Variants in TCF3 observed in about 807,000 individuals in gnomAD.
TCF3 encodes transcription factor 3, also known as transcription factor E2-alpha.
TCF3 carries 54 observed loss-of-function variants against 72.3 expected under a neutral mutation model. The observed-to-expected ratio is 0.75, with a 90% CI of 0.60 to 0.94. The LOEUF is 0.94. TCF3 is among the 40% of genes least tolerant of loss of function. The probability of loss-of-function intolerance (pLI) is 0.00; values close to 1 mark genes in which losing one functional copy is unlikely to be tolerated. For synonymous variants in TCF3, 525 were observed against 412.6 expected, an observed-to-expected ratio of 1.27 and a Z score of -3.30; for missense variants, 1,078 against 934.4, an observed-to-expected ratio of 1.15 and a Z score of -2.00.
At chr19:1,619,539 G>C in intron 14 of TCF3, 65 bp from the exon 15 acceptor site, 1 of 1,517,738 alleles carries the variant, frequency 6.6e-7, no homozygotes, top group Non-Finnish European at 8.8e-7. Context: ...CTCCATTCAT[G>C]TCCCTTCCGC....
intron 8 of TCF3, among the ~76,000 whole-genome samples, 165 bp from the exon 9 acceptor site, chr19:1,622,580 T>C (rs1215594309): frequency 2.0e-5 from 3 of 152,048 alleles, no homozygotes; most frequent in Admixed American, 6.5e-5. Context: ...CTGGCCAAGT[T>C]TGAGGTTCTT....
At chr19:1,621,629 C>T (rs1397853871) in intron 11 of TCF3, among the ~76,000 whole-genome samples, 1 of 152,290 alleles carries the variant, frequency 6.6e-6, no homozygotes, top group East Asian at 1.9e-4. Flanking sequence ...GCGGGAAAGC[C>T]GCTCCTCAAA....
At position 1,642,186 on chromosome 19, in the gene TCF3, G is replaced by A. The variant is rs942739895; in HGVS notation, c.145+4169C>T. The stretch of plus-strand genomic sequence containing the variant: ...CACACGCACGCGTACACACACGCAC[G>A]CAGACACAGACGCAGACACGCACAC... On this transcript the variant is annotated intron_variant, in intron 3 of 18. Coordinates refer to ENST00000262965, the MANE Select transcript of TCF3 (RefSeq NM_003200.5). Among the ~76,000 whole-genome samples the A allele has an allele frequency of 5.6e-5, 8 of 142,914 alleles. 1 individual carries two copies. Among genetic ancestry groups the A allele is most frequent in the African/African-American group, 1.1e-4 (4 of 38,040 alleles). The allele number at this position is 142,914 out of a possible 152,430, so 93.8% of individuals were successfully genotyped here. A position where few individuals can be genotyped will look rare whatever the true frequency, so the allele number is the denominator to read the frequency against.
rs2063019352 is a variant in TCF3, at chr19:1,627,405, G to A, written c.320C>T (p.Ala107Val). ...TGCGTCTCTCCCGAAGGAGGCATAG[G>A]CGCCCCGCTCACCGCTCTTGCCTGC... ...GLGGKSGERGAYASFGRDAGV... is the reference protein window; with the variant it reads ...GLGGKSGERGVYASFGRDAGV... Residue 107 changes from alanine to valine, a missense_variant, in exon 6 of 19, where the codon GCC becomes GTC. By Grantham distance (64) the Ala-to-Val change is moderately conservative. Coordinates refer to ENST00000262965, the MANE Select transcript of TCF3 (RefSeq NM_003200.5). 1.2e-6 allele frequency: 2 copies of A among 1,612,090 alleles called. No individual in the cohort carries two copies. The highest frequency in any genetic ancestry group is 1.7e-6 in the Non-Finnish European group (2 of 1,179,738).
rs936316061 is a variant in TCF3 at position 1,611,845 on chromosome 19, C to A, written c.1827G>T (p.Arg609=). 1 of 1,608,534 alleles carries A rather than the reference C, an allele frequency of 6.2e-7. No individual in the cohort carries two copies. The highest frequency in any genetic ancestry group is 1.4e-5 in the African/African-American group (1 of 73,394). The change falls in exon 19 of 19, where the codon CGG becomes CGT. Residue 609 remains arginine (R), a synonymous_variant. Coordinates refer to ENST00000262965, the MANE Select transcript of TCF3 (RefSeq NM_003200.5). The stretch of plus-strand genomic sequence containing the variant: ...AACAGGCTGCTTTGGGATTCAGGTT[C>A]CGCTCTGGAGGGAGGGGGGAGAGCT... ...ILNLEQQVRE[R]NLNPKAACLK...
At chr19:1,630,343 G>A (rs942371894) in intron 5 of TCF3, among the ~76,000 whole-genome samples, 4 of 152,200 alleles carry the variant, frequency 2.6e-5, no homozygotes, top group African/African-American at 7.2e-5. Flanking sequence ...ACACCCGCCA[G>A]ACCTTCACGC....
intron 5 of TCF3, among the ~76,000 whole-genome samples, chr19:1,629,483 C>T (rs894879238): frequency 1.3e-4 from 20 of 151,984 alleles, no homozygotes; most frequent in Admixed American, 7.9e-4. Context: ...CTGGCCAGGG[C>T]GAGCCCCCAG....
In TCF3 at chr19:1,627,348, G is replaced by T; in HGVS notation, c.366+11C>A. On this transcript the variant is annotated intron_variant, in intron 6 of 18. Coordinates refer to ENST00000262965, the MANE Select transcript of TCF3 (RefSeq NM_003200.5). ...ATCAAAATACACCCCAGCCCGGCCCGAGCCCCTCACCTGAGTCAGGCCGCC... is the reference window on the plus strand; with the variant it reads ...ATCAAAATACACCCCAGCCCGGCCCTAGCCCCTCACCTGAGTCAGGCCGCC... 1.2e-6 allele frequency: 2 copies of T among 1,606,328 alleles called. No homozygotes were observed. The highest frequency in any genetic ancestry group is 2.2e-5 in the South Asian group (2 of 89,890).
At chr19:1,616,498 T>C (rs2061561003) in intron 16 of TCF3, 1 of 152,022 alleles carries the variant, frequency 6.6e-6, no homozygotes, top group Non-Finnish European at 1.5e-5. Context: ...GAATAAAACT[T>C]TGGAACACTT....
At position 1,623,993 on chromosome 19, in the gene TCF3, C is replaced by T. The variant is rs780991543; in HGVS notation, c.507G>A (p.Gln169=). The change falls in exon 8 of 19, where the codon CAG becomes CAA. Residue 169 remains glutamine (Q), a synonymous_variant. Transcript: ENST00000262965. Reference sequence around the variant, plus strand: ...GCGGGACCTTCCGGACCTTCTTGGGCTGCGTGTCTGTTAGAAGCAAAAGGG... The same window carrying T: ...GCGGGACCTTCCGGACCTTCTTGGGTTGCGTGTCTGTTAGAAGCAAAAGGG... ...RRAADGSLDT[Q]PKKVRKVPPG... is the part of the protein sequence containing the mutation. 5 of 1,613,336 alleles carry T rather than the reference C, an allele frequency of 3.1e-6. No homozygotes were observed. The highest frequency in any genetic ancestry group is 1.7e-5 in the Admixed American group (1 of 59,986).
chr19:1,632,421 A>G lies in TCF3; in HGVS notation c.146-16T>C, dbSNP rs908449042. The G allele has an allele frequency of 6.3e-7, 1 of 1,584,022 alleles. No individual in the cohort carries two copies. On this transcript the variant is annotated splice_polypyrimidine_tract_variant and intron_variant, in intron 3 of 18. Transcript: ENST00000262965. ...TCCTCAAGACCTGCAGGCAGGACAG[A>G]GAGAGTTATGGGTCACCCTCACGCC...
At chr19:1,641,093 CGGAGGT>C (rs1461670715) in intron 3 of TCF3, among the ~76,000 whole-genome samples, 1 of 144,660 alleles carries the variant, frequency 6.9e-6, no homozygotes, top group Non-Finnish European at 1.5e-5. Context: ...GAGGCGGAGG[CGGAGGT>C]TGCAGTGAGC....
At chr19:1,622,996 G>C (rs1052558096) in intron 8 of TCF3, among the ~76,000 whole-genome samples, 4 of 152,194 alleles carry the variant, frequency 2.6e-5, no homozygotes, top group African/African-American at 9.7e-5. Context: ...TAATAAACTG[G>C]GGGGCGGTTT....
At chr19:1,640,190 T>C (rs547146401) in intron 3 of TCF3, among the ~76,000 whole-genome samples, 1 of 151,950 alleles carries the variant, frequency 6.6e-6, no homozygotes, top group Non-Finnish European at 1.5e-5. Context: ...AGGCCTGGAA[T>C]CCCAGCACTT....
chr19:1,649,446 A>T (rs906476322), intron 2 of TCF3, among the ~76,000 whole-genome samples: 1 of 152,156 alleles, frequency 6.6e-6, no homozygotes, highest in Admixed American at 6.5e-5. Context: ...ATCTTACTCT[A>T]TCGCCCAGGA....
At chr19:1,651,741 G>A (rs1428225111) in intron 1 of TCF3, among the ~76,000 whole-genome samples, 2 of 151,840 alleles carry the variant, frequency 1.3e-5, no homozygotes, top group Admixed American at 1.3e-4. Context: ...AGCCTTTGAA[G>A]CTCGCAGCGC....
At chr19:1,635,208 C>T (rs2064232366) in intron 3 of TCF3, among the ~76,000 whole-genome samples, 1 of 152,194 alleles carries the variant, frequency 6.6e-6, no homozygotes, top group Non-Finnish European at 1.5e-5. Context: ...TGCAATGTGC[C>T]CCCACTCAGG....
In TCF3 at chr19:1,650,342, G is replaced by A. The variant is rs551139337; in HGVS notation, c.-39-55C>T. On this transcript the variant is annotated intron_variant, in intron 1 of 18. Transcript: ENST00000262965. Reference sequence around the variant, plus strand: ...AGGGAGAAACAGGGAGGGGAGAAGAGTTGTGAGTGGTCAAAGCACAGAGTG... The same window carrying A: ...AGGGAGAAACAGGGAGGGGAGAAGAATTGTGAGTGGTCAAAGCACAGAGTG... The A allele has an allele frequency of 1.0e-4, 133 of 1,305,270 alleles. No homozygotes were observed. In the African/African-American group the frequency reaches 1.9e-3, roughly 19 times the overall value. The allele number at this position is 1,305,270 out of a possible 1,614,324, so 80.9% of individuals were successfully genotyped here. A position where few individuals can be genotyped will look rare whatever the true frequency, so the allele number is the denominator to read the frequency against.
At chr19:1,629,365 G>C (rs935761210) in intron 5 of TCF3, among the ~76,000 whole-genome samples, 3 of 151,920 alleles carry the variant, frequency 2.0e-5, no homozygotes, top group African/African-American at 4.9e-5. Context: ...CTTCAGGCCA[G>C]GGTTCATTCG....
Sources: gnomAD v4.1 joint callset for allele counts (sites outside exome capture counted in the v4.1 genomes callset) on GRCh38, gnomAD v4.1.1 for gene constraint, MANE v1.5 for transcripts, NCBI Gene and HGNC (gene_info 2026-07-23, HGNC 2026-07-21) for gene names.